The following PYY variants were observed in gnomAD, a reference collection of about 807,000 sequenced individuals.
PYY encodes the protein peptide YY.
In PYY, 12 loss-of-function variants were observed where a neutral mutation model predicts 10.3. The observed-to-expected ratio is 1.17, with a 90% confidence interval of 0.75 to 1.89. PYY has a LOEUF of 1.89. PYY is among the 40% of genes most tolerant of loss of function. PYY has a pLI of 0.00. For missense variants in PYY, 141 were observed against 134.0 expected, an observed-to-expected ratio of 1.05 and a Z score of -0.26; for synonymous variants, 66 against 62.0, an observed-to-expected ratio of 1.06 and a Z score of -0.30.
chr17:43,964,708 C>A (rs1025586436), intron 2 of PYY, among the ~76,000 whole-genome samples: 2 of 152,144 alleles, frequency 1.3e-5, no homozygotes, highest in African/African-American at 4.8e-5. Flanking sequence ...GAGGCTGAGG[C>A]AGGAGAATCG....
rs1219355247 is a variant in PYY at position 43,987,759 on chromosome 17, T to C, written c.-463+16632A>G. Among the ~76,000 whole-genome samples, 1 of 152,158 alleles carries C rather than the reference T, an allele frequency of 6.6e-6. No homozygotes were observed. Among genetic ancestry groups the C allele is most frequent in the Non-Finnish European group, 1.5e-5 (1 of 68,022 alleles). On this transcript the variant is annotated intron_variant, in intron 1 of 6. Coordinates refer to the PYY transcript ENST00000360085. This position sits in a 1 kb window ranked among gnomAD's most constrained non-coding sequence, Gnocchi z 4.0. The stretch of plus-strand genomic sequence containing the variant: ...CCTGTTGTTCTGAGCAAAACAGACA[T>C]GGCATGTGCCCTCTAAGAGCTTACA...
At chr17:44,000,520 C>T (rs2049018646) in intron 1 of PYY, among the ~76,000 whole-genome samples, 1 of 150,550 alleles carries the variant, frequency 6.6e-6, no homozygotes. Flanking sequence ...CCATGTGTTC[C>T]TATATGACAC....
chr17:43,970,852 CT>C (rs1423223467), intron 1 of PYY, among the ~76,000 whole-genome samples: 1 of 152,196 alleles, frequency 6.6e-6, no homozygotes, highest in Non-Finnish European at 1.5e-5. Flanking sequence ...GCTTTGTCCA[CT>C]CCTAATGCCC....
At chr17:43,969,583 A>T (rs979060274) in intron 1 of PYY, among the ~76,000 whole-genome samples, 1 of 151,094 alleles carries the variant, frequency 6.6e-6, no homozygotes, top group Non-Finnish European at 1.5e-5. Context: ...ACAAAAATTC[A>T]AAATCCACTC....
intron 2 of PYY, 50 bp from the exon 3 acceptor site, chr17:43,953,239 G>A (rs200686913): frequency 5.0e-6 from 8 of 1,609,638 alleles, no homozygotes; most frequent in Non-Finnish European, 6.8e-6. Flanking sequence ...ACGCCCCCAG[G>A]TGGAGCGGGG....
At chr17:43,960,050 A>G (rs567880788) in intron 2 of PYY, among the ~76,000 whole-genome samples, 25 of 152,368 alleles carry the variant, frequency 1.6e-4, no homozygotes, top group African/African-American at 5.8e-4. Context: ...GTCAGTCAAC[A>G]TGTGAACATA....
At chr17:44,001,354 A>G (rs1391077088) in intron 1 of PYY, among the ~76,000 whole-genome samples, 1 of 152,214 alleles carries the variant, frequency 6.6e-6, no homozygotes, top group Non-Finnish European at 1.5e-5. Context: ...GAACCTGGGC[A>G]CAATGACAAC....
rs149589442 is a variant in PYY, at chr17:43,981,986, T to C, written c.-462-15454A>G. On this transcript the variant is annotated intron_variant, in intron 1 of 6. Transcript: ENST00000360085. ...TCCATTCTCTTAATGGTATGATCAA[T>C]ATAGTCCAATGTATCACTTTCCATA... Among the ~76,000 whole-genome samples the C allele has an allele frequency of 3.0e-3, 455 of 152,320 alleles. 2 individuals carry two copies. The highest frequency in any genetic ancestry group is 6.8e-3 in the Middle Eastern group (2 of 294).
At chr17:43,994,314 A>G (rs2048976458) in intron 1 of PYY, among the ~76,000 whole-genome samples, 1 of 151,966 alleles carries the variant, frequency 6.6e-6, no homozygotes, top group Non-Finnish European at 1.5e-5. Context: ...AAAACCCTGC[A>G]GCGGCTCCCC....
intron 1 of PYY, among the ~76,000 whole-genome samples, chr17:43,982,988 T>G (rs1202415517): frequency 6.6e-6 from 1 of 152,110 alleles, no homozygotes; most frequent in Non-Finnish European, 1.5e-5. Context: ...TCCCAACACT[T>G]TGGGAGGCCA....
chr17:43,981,724 G>A (rs868316721), intron 1 of PYY, among the ~76,000 whole-genome samples: 2 of 152,012 alleles, frequency 1.3e-5, no homozygotes, highest in African/African-American at 2.4e-5. Context: ...TCCTGACCTC[G>A]TGATCCGCCC....
chr17:43,970,104 A>C (rs8073638), intron 1 of PYY, among the ~76,000 whole-genome samples: 1 of 149,518 alleles, frequency 6.7e-6, no homozygotes, highest in African/African-American at 2.5e-5. Flanking sequence ...GGGAGGCTGA[A>C]GTGGGGGAAT....
At chr17:44,001,260 G>A (rs770130787) in intron 1 of PYY, among the ~76,000 whole-genome samples, 6 of 152,120 alleles carry the variant, frequency 3.9e-5, no homozygotes, top group African/African-American at 7.2e-5. Flanking sequence ...TACTGTGCTC[G>A]GGGCCCAGGA....
chr17:43,989,108 C>T (rs1191987183), intron 1 of PYY, among the ~76,000 whole-genome samples: 1 of 151,818 alleles, frequency 6.6e-6, no homozygotes, highest in Middle Eastern at 3.4e-3. Context: ...GGCGCGGTGG[C>T]TCACGCCTGT....
chr17:43,976,420 TATAC>T, intron 1 of PYY, among the ~76,000 whole-genome samples: 1 of 51,398 alleles, frequency 1.9e-5, no homozygotes, highest in South Asian at 2.1e-3. Flanking sequence ...CATGTATACA[TATAC>T]ATATATACAC....
intron 1 of PYY, among the ~76,000 whole-genome samples, chr17:43,972,778 G>A (rs1448640044): frequency 1.3e-5 from 2 of 151,968 alleles, no homozygotes; most frequent in African/African-American, 2.4e-5. Context: ...GTGCAGTGGC[G>A]TGATCTCGGT....
chr17:43,989,375 AAAAC>A (rs1218027538), intron 1 of PYY, among the ~76,000 whole-genome samples: 97 of 151,698 alleles, frequency 6.4e-4, no homozygotes, highest in African/African-American at 2.2e-3. Flanking sequence ...CTCCGTCTCA[AAAAC>A]AAACAAACAA....
chr17:43,984,084 C>A (rs1234180843), intron 1 of PYY, among the ~76,000 whole-genome samples: 1 of 152,218 alleles, frequency 6.6e-6, no homozygotes, highest in African/African-American at 2.4e-5. Context: ...ATCGGGCCAT[C>A]GCTGATAAGA....
intron 1 of PYY, among the ~76,000 whole-genome samples, chr17:43,972,830 C>G (rs2048804384): frequency 6.6e-6 from 1 of 152,170 alleles, no homozygotes; most frequent in African/African-American, 2.4e-5. Flanking sequence ...GATTCTCCTG[C>G]CTCAGCCTCC....
Sources: gnomAD v4.1 joint callset for allele counts (sites outside exome capture counted in the v4.1 genomes callset) on GRCh38, gnomAD v4.1.1 for gene constraint, Gnocchi (gnomAD v3.1) non-coding constraint, MANE v1.5 for transcripts, NCBI Gene and HGNC (gene_info 2026-07-23, HGNC 2026-07-21) for gene names.